The following IQSEC1 variants were observed in gnomAD, a reference collection of about 807,000 sequenced individuals.
IQSEC1 encodes IQ motif and Sec7 domain ArfGEF 1, also known as IQ motif and SEC7 domain-containing protein 1.
A neutral mutation model predicts 91.0 loss-of-function variants in IQSEC1; 31 were observed. That is an observed-to-expected ratio of 0.34 (90% CI 0.26 to 0.46). IQSEC1 has a LOEUF of 0.46. Ranked by LOEUF, IQSEC1 falls within the 20% of genes least tolerant of loss-of-function variation. IQSEC1 has a pLI of 1.00. For missense variants in IQSEC1, 1,388 were observed against 1,575.6 expected, an observed-to-expected ratio of 0.88 and a Z score of 2.02; for synonymous variants, 699 against 662.6, an observed-to-expected ratio of 1.05 and a Z score of -0.84.
intron 2 of IQSEC1, among the ~76,000 whole-genome samples, chr3:13,144,357 G>A (rs143219876): frequency 1.3e-5 from 2 of 152,336 alleles, no homozygotes; most frequent in East Asian, 1.9e-4. Context: ...CCGCCACGTG[G>A]CTGTCAGGAG....
chr3:13,132,668 T>C (rs1202211769), intron 2 of IQSEC1, among the ~76,000 whole-genome samples: 1 of 152,256 alleles, frequency 6.6e-6, no homozygotes, highest in Non-Finnish European at 1.5e-5. Context: ...GATCACCTTG[T>C]TCATTTCCTA....
In IQSEC1 at chr3:12,901,335, G is replaced by C; in HGVS notation, c.2993C>G (p.Pro998Arg). 6.5e-7 allele frequency: 1 copy of C among 1,531,766 alleles called. No homozygotes were observed. Among genetic ancestry groups the C allele is most frequent in the Non-Finnish European group, 8.8e-7 (1 of 1,136,678 alleles). 94.9% of individuals were successfully genotyped at this position (1,531,766 alleles called of 1,614,324 possible). A position where few individuals can be genotyped will look rare whatever the true frequency, so the allele number is the denominator to read the frequency against. Reference protein sequence around the residue: ...SAPALPPPHPPVVLPHLQHSV... With the variant: ...SAPALPPPHPRVVLPHLQHSV... ...GTGCTGCAAGTGAGGCAGGACCACCGGTGGGTGGGGGGGTGGCAGGGCTGG... is the reference window on the plus strand; with the variant it reads ...GTGCTGCAAGTGAGGCAGGACCACCCGTGGGTGGGGGGGTGGCAGGGCTGG... Residue 998 changes from proline to arginine, a missense_variant, in exon 14 of 14, where the codon CCG becomes CGG. Pro to Arg is a moderately radical substitution (Grantham distance 103). Coordinates refer to ENST00000613206, the MANE Select transcript of IQSEC1 (RefSeq NM_001134382.3).
At chr3:13,033,214 A>T (rs165570) in intron 1 of IQSEC1, among the ~76,000 whole-genome samples, 52,250 of 152,068 alleles carry the variant, frequency 0.34, 9,692 homozygotes, top group East Asian at 0.59. Flanking sequence ...CACAGAATAC[A>T]CGCCCAGACA....
At chr3:13,191,069 CCTAATT>C (rs1322821794) in intron 1 of IQSEC1, among the ~76,000 whole-genome samples, 2 of 152,212 alleles carry the variant, frequency 1.3e-5, no homozygotes, top group Non-Finnish European at 2.9e-5. Context: ...TTCAGCATAA[CCTAATT>C]CTATCTTCAG....
intron 1 of IQSEC1, among the ~76,000 whole-genome samples, chr3:13,033,226 C>T (rs1255698113): frequency 2.0e-5 from 3 of 152,168 alleles, no homozygotes; most frequent in South Asian, 2.1e-4. Flanking sequence ...GCCCAGACAG[C>T]GTCTCCTGAC....
chr3:13,073,708 G>C (rs761586520), upstream of IQSEC1, among the ~76,000 whole-genome samples: 4 of 152,236 alleles, frequency 2.6e-5, no homozygotes, highest in Non-Finnish European at 5.9e-5. Flanking sequence ...CGGCTTTTCT[G>C]CCTTCGGCAC....
chr3:13,252,056 CG>C, intron 1 of IQSEC1, among the ~76,000 whole-genome samples: 1 of 152,264 alleles, frequency 6.6e-6, no homozygotes, highest in South Asian at 2.1e-4. Context: ...CAACACAAAA[CG>C]TATCATCTTA....
At chr3:13,177,146 G>A (rs779633345) in intron 1 of IQSEC1, among the ~76,000 whole-genome samples, 12 of 152,164 alleles carry the variant, frequency 7.9e-5, no homozygotes, top group South Asian at 2.1e-4. Flanking sequence ...ACAAGTCTGC[G>A]GATACCCTAG....
intron 1 of IQSEC1, among the ~76,000 whole-genome samples, chr3:13,245,261 T>A (rs1695089989): frequency 1.3e-5 from 2 of 152,028 alleles, no homozygotes; most frequent in African/African-American, 4.8e-5. Flanking sequence ...TGGTGTCTCA[T>A]CCTCCAGCAA....
At chr3:13,213,429 G>C (rs1694481897) in intron 1 of IQSEC1, among the ~76,000 whole-genome samples, 1 of 152,154 alleles carries the variant, frequency 6.6e-6, no homozygotes, top group African/African-American at 2.4e-5. Context: ...TTGGTTTATA[G>C]TAACTTGGAC....
chr3:13,132,161 G>T (rs1231327843), intron 2 of IQSEC1, among the ~76,000 whole-genome samples: 3 of 152,198 alleles, frequency 2.0e-5, no homozygotes, highest in Non-Finnish European at 4.4e-5. Flanking sequence ...CAGTGAAATT[G>T]CATGGAAACT....
chr3:13,238,961 T>G (rs1022990328), intron 1 of IQSEC1, among the ~76,000 whole-genome samples: 1 of 152,186 alleles, frequency 6.6e-6, no homozygotes, highest in Non-Finnish European at 1.5e-5. Context: ...AGGGGGATTG[T>G]GCTTCAAGGA....
At chr3:13,160,647 G>C (rs967092911) in intron 2 of IQSEC1, among the ~76,000 whole-genome samples, 3 of 152,268 alleles carry the variant, frequency 2.0e-5, no homozygotes, top group Non-Finnish European at 2.9e-5. Flanking sequence ...CATGGGAGTG[G>C]TCCATTTTTC....
At position 13,207,609 on chromosome 3, in the gene IQSEC1, A is replaced by C. The variant is rs575968728; in HGVS notation, c.273-43476T>G. Among the ~76,000 whole-genome samples the C allele has an allele frequency of 2.0e-5, 3 of 152,210 alleles. No individual in the cohort carries two copies. The highest frequency in any genetic ancestry group is 4.4e-5 in the Non-Finnish European group (3 of 67,992). On this transcript the variant is annotated intron_variant, in intron 1 of 15. Transcript: ENST00000648114. This position sits in a 1 kb window ranked among gnomAD's most constrained non-coding sequence, Gnocchi z 4.8. ...ATCATCTGGGTCTGTCTCCTGCCCCAGCCTCTGCCCTGGCCTCCCTGAGGC... is the reference window on the plus strand; with the variant it reads ...ATCATCTGGGTCTGTCTCCTGCCCCCGCCTCTGCCCTGGCCTCCCTGAGGC...
intron 1 of IQSEC1, among the ~76,000 whole-genome samples, chr3:12,985,225 G>A (rs1701669669): frequency 6.6e-6 from 1 of 152,242 alleles, no homozygotes; most frequent in South Asian, 2.1e-4. Context: ...TGGCTTGCTT[G>A]GGTCTTGAAG....
rs1460492729 is a variant in IQSEC1, at chr3:12,900,086, T to G, written c.*897A>C. 2.0e-6 allele frequency: 2 copies of G among 981,840 alleles called. No homozygotes were observed. Among genetic ancestry groups the G allele is most frequent in the Non-Finnish European group, 2.4e-6 (2 of 826,864 alleles). 60.8% of individuals were successfully genotyped at this position (981,840 alleles called of 1,614,324 possible). A position where few individuals can be genotyped will look rare whatever the true frequency, so the allele number is the denominator to read the frequency against. ...GCTGTCCTGAGTTGCTACTGTAGAG[T>G]GTACTGCAGTTTAGCTATTTGCTTA... is the stretch of plus-strand genomic sequence containing the variant. On this transcript the variant is annotated 3_prime_UTR_variant, in exon 14 of 14. Transcript: ENST00000613206.
At chr3:13,203,112 G>T (rs764769003) in intron 1 of IQSEC1, among the ~76,000 whole-genome samples, 1 of 152,090 alleles carries the variant, frequency 6.6e-6, no homozygotes, top group Non-Finnish European at 1.5e-5. Flanking sequence ...GAAGGACGGA[G>T]GAGAGGCCAG....
At chr3:13,225,878 A>T (rs1385947398) in intron 1 of IQSEC1, among the ~76,000 whole-genome samples, 1 of 150,186 alleles carries the variant, frequency 6.7e-6, no homozygotes, top group East Asian at 2.0e-4. Flanking sequence ...TAATTCATCA[A>T]TTTTTTTTTT....
intron 13 of IQSEC1, among the ~76,000 whole-genome samples, chr3:12,902,500 AC>A (rs1174593769): frequency 6.6e-6 from 1 of 151,748 alleles, no homozygotes; most frequent in Non-Finnish European, 1.5e-5. Context: ...ATCCAGAACC[AC>A]CCCCACTGTT....
Sources: gnomAD v4.1 joint callset for allele counts (sites outside exome capture counted in the v4.1 genomes callset) on GRCh38, gnomAD v4.1.1 for gene constraint, Gnocchi (gnomAD v3.1) non-coding constraint, MANE v1.5 for transcripts, NCBI Gene and HGNC (gene_info 2026-07-23, HGNC 2026-07-21) for gene names.